Variants in LPAR3 observed in about 807,000 individuals in gnomAD.
LPAR3 encodes the protein lysophosphatidic acid receptor 3, also known as LPA receptor 3.
LPAR3 carries 7 observed loss-of-function variants against 17.8 expected under a neutral mutation model. The ratio of observed to expected loss-of-function variants is 0.39; its 90% CI spans 0.22 to 0.74. The LOEUF (loss-of-function observed/expected upper bound fraction) is 0.74. LPAR3 is among the 30% of genes least tolerant of loss of function. The pLI, the probability that LPAR3 is intolerant of heterozygous loss-of-function variation, is 0.40. For synonymous variants in LPAR3, 179 were observed against 179.9 expected (o/e 0.99, Z 0.04); for missense variants, 391 against 453.4 (o/e 0.86, Z 1.25).
chr1:84,887,575 GA>G (rs1426444069), intron 1 of LPAR3, among the ~76,000 whole-genome samples: 2 of 152,110 alleles, frequency 1.3e-5, no homozygotes, highest in Non-Finnish European at 2.9e-5. Context: ...GGAAACGAAG[GA>G]AAAATGGCGA....
intron 2 of LPAR3, among the ~76,000 whole-genome samples, chr1:84,843,320 G>T (rs527755310): frequency 1.4e-4 from 21 of 152,356 alleles, no homozygotes; most frequent in South Asian, 8.3e-4. Flanking sequence ...AGACATCCAA[G>T]AAACTTCCCA....
At chr1:84,877,937 A>G (rs1660288693) in intron 1 of LPAR3, among the ~76,000 whole-genome samples, 1 of 152,148 alleles carries the variant, frequency 6.6e-6, no homozygotes, top group South Asian at 2.1e-4. Flanking sequence ...AGTTGGTTAT[A>G]AGGGGATTTG....
chr1:84,831,831 CAT>C (rs60387583), intron 2 of LPAR3, among the ~76,000 whole-genome samples: 7 of 146,740 alleles, frequency 4.8e-5, no homozygotes, highest in East Asian at 4.0e-4. Context: ...TAAACTGTAT[CAT>C]ATATATATAT....
At chr1:84,831,628 G>A (rs941527909) in intron 2 of LPAR3, among the ~76,000 whole-genome samples, 1 of 151,688 alleles carries the variant, frequency 6.6e-6, no homozygotes, top group Non-Finnish European at 1.5e-5. Flanking sequence ...AATAGTACAA[G>A]TAACTTTTTA....
At chr1:84,852,632 A>G (rs1659740788) in intron 2 of LPAR3, among the ~76,000 whole-genome samples, 1 of 152,166 alleles carries the variant, frequency 6.6e-6, no homozygotes, top group Non-Finnish European at 1.5e-5. Flanking sequence ...CTGCTTTGAG[A>G]GACGTTCACA....
In LPAR3 at chr1:84,887,576, A is replaced by G. The variant is rs558532134; in HGVS notation, c.-19+5440T>C. Among the ~76,000 whole-genome samples the G allele has an allele frequency of 1.6e-3, 248 of 152,292 alleles. 1 individual carries two copies. The highest frequency in any genetic ancestry group is 5.8e-3 in the African/African-American group (241 of 41,554). On this transcript the variant is annotated intron_variant, in intron 1 of 2. Coordinates refer to ENST00000370611, the MANE Select transcript of LPAR3 (RefSeq NM_012152.3). Reference sequence around the variant, plus strand: ...TTGGGGAAACAAAGGGAAACGAAGGAAAAATGGCGAATTTAAGGTGAAGAA... The same window carrying G: ...TTGGGGAAACAAAGGGAAACGAAGGGAAAATGGCGAATTTAAGGTGAAGAA...
chr1:84,824,714 G>T (rs927170804), intron 2 of LPAR3, among the ~76,000 whole-genome samples: 1 of 152,214 alleles, frequency 6.6e-6, no homozygotes, highest in African/African-American at 2.4e-5. Flanking sequence ...TACCCAGATA[G>T]TGTTGGTTAC....
Position 84,878,547 on chromosome 1 carries a change from A to G in LPAR3, c.-18-12409T>C, listed in dbSNP as rs190557430. Among the ~76,000 whole-genome samples, 232 of 152,300 alleles carry G rather than the reference A, an allele frequency of 1.5e-3. 1 individual carries two copies. Among genetic ancestry groups the G allele is most frequent in the African/African-American group, 5.4e-3 (223 of 41,562 alleles). Reference sequence around the variant, plus strand: ...TCTTTCATGCTAAGCTACCACTTGCATGTCAGGAACCCAATGTGCCTTGGA... The same window carrying G: ...TCTTTCATGCTAAGCTACCACTTGCGTGTCAGGAACCCAATGTGCCTTGGA... On this transcript the variant is annotated intron_variant, in intron 1 of 2. Transcript: ENST00000370611.
intron 1 of LPAR3, among the ~76,000 whole-genome samples, chr1:84,874,951 G>A (rs935994932): frequency 2.6e-4 from 39 of 149,914 alleles, no homozygotes; most frequent in African/African-American, 8.6e-4. Flanking sequence ...CCAGGCTGGA[G>A]TGCAGTGGTA....
At chr1:84,874,900 T>A (rs951971973) in intron 1 of LPAR3, among the ~76,000 whole-genome samples, 1 of 16,854 alleles carries the variant, frequency 5.9e-5, no homozygotes, top group African/African-American at 2.5e-4. Flanking sequence ...AGAATGTCAA[T>A]TTTTTTTTTT....
intron 2 of LPAR3, 66 bp downstream of exon 2, chr1:84,865,319 A>G (rs1660018932): frequency 1.3e-6 from 2 of 1,506,920 alleles, no homozygotes. Flanking sequence ...CTGGTACACC[A>G]CAGATGCTCC....
At chr1:84,832,131 G>T (rs12130014) in intron 2 of LPAR3, among the ~76,000 whole-genome samples, 3 of 151,782 alleles carry the variant, frequency 2.0e-5, no homozygotes, top group Non-Finnish European at 4.4e-5. Flanking sequence ...TCAAATACAA[G>T]GACCACCTGC....
chr1:84,840,132 C>T (rs1264912025), intron 2 of LPAR3, among the ~76,000 whole-genome samples: 1 of 152,078 alleles, frequency 6.6e-6, no homozygotes, highest in Non-Finnish European at 1.5e-5. Context: ...ACTATGTTGC[C>T]CAGCTGGTTT....
chr1:84,874,052 C>T (rs1660208474), intron 1 of LPAR3, among the ~76,000 whole-genome samples: 1 of 152,132 alleles, frequency 6.6e-6, no homozygotes, highest in South Asian at 2.1e-4. Context: ...GGTGCCCAGC[C>T]TCTTTAGAAC....
chr1:84,850,886 A>G (rs2102758834), intron 2 of LPAR3, among the ~76,000 whole-genome samples: 1 of 152,346 alleles, frequency 6.6e-6, no homozygotes. Context: ...GATCAGCACA[A>G]GGACCCAGGC....
At chr1:84,835,930 T>C (rs557608936) in intron 2 of LPAR3, among the ~76,000 whole-genome samples, 1 of 150,300 alleles carries the variant, frequency 6.7e-6, no homozygotes, top group South Asian at 2.2e-4. Flanking sequence ...AGCAACCTTA[T>C]CACGAAATGT....
intron 2 of LPAR3, among the ~76,000 whole-genome samples, chr1:84,842,371 T>C (rs1659519316): frequency 6.6e-6 from 1 of 152,220 alleles, no homozygotes. Context: ...AGAAATTCAG[T>C]CACTGGTCAA....
At chr1:84,883,367 G>T (rs1365336295) in intron 1 of LPAR3, among the ~76,000 whole-genome samples, 1 of 152,220 alleles carries the variant, frequency 6.6e-6, no homozygotes, top group Non-Finnish European at 1.5e-5. Flanking sequence ...TACCAATCTA[G>T]TCAGAGAGTC....
intron 2 of LPAR3, among the ~76,000 whole-genome samples, chr1:84,829,822 G>A (rs1013928183): frequency 6.6e-6 from 1 of 152,186 alleles, no homozygotes; most frequent in African/African-American, 2.4e-5. Flanking sequence ...AAAGCAGAAA[G>A]CGGCCAAGTA....
Sources: allele counts gnomAD v4.1 joint callset (sites outside exome capture counted in the v4.1 genomes callset), GRCh38; gene constraint gnomAD v4.1.1; transcripts MANE v1.5; gene names NCBI Gene and HGNC (gene_info 2026-07-23, HGNC 2026-07-21).